The following CNTNAP2 variants were observed in gnomAD, a reference collection of about 807,000 sequenced individuals.
CNTNAP2 encodes the protein contactin-associated protein-like 2.
A neutral mutation model predicts 155.2 loss-of-function variants in CNTNAP2; 98 were observed. The ratio of observed to expected loss-of-function variants is 0.63; its 90% CI spans 0.54 to 0.75. CNTNAP2 has a LOEUF of 0.75. Among genes scored for constraint, CNTNAP2 ranks in the 30% least tolerant of loss-of-function variants. The pLI is 0.00. For synonymous variants in CNTNAP2, 651 were observed against 631.2 expected (o/e 1.03, Z -0.47); for missense variants, 1,727 against 1,688.1 (o/e 1.02, Z -0.40).
rs898462261 is a variant in CNTNAP2 at position 146,843,744 on chromosome 7, GTACTC to G, written c.402+3842_402+3846del. Among the ~76,000 whole-genome samples the G allele has an allele frequency of 1.8e-3, 273 of 151,598 alleles. 1 individual carries two copies. Among genetic ancestry groups the G allele is most frequent in the African/African-American group, 6.3e-3 (259 of 41,128 alleles). On this transcript the variant is annotated intron_variant, in intron 3 of 23. Coordinates refer to ENST00000361727, the MANE Select transcript of CNTNAP2 (RefSeq NM_014141.6). ...TAGCATTTACAAATTTCAAAAAAAA[GTACTC>G]TTGGGGATTAAGTTTATTAAAAATG...
chr7:148,301,306 A>AAAAAAT, intron 21 of CNTNAP2, among the ~76,000 whole-genome samples: 93 of 103,850 alleles, frequency 9.0e-4, no homozygotes, highest in African/African-American at 2.8e-3. Flanking sequence ...AAAAAAAAAA[A>AAAAAAT]ATATATATAT....
At chr7:147,472,620 C>G (rs1798245319) in intron 10 of CNTNAP2, among the ~76,000 whole-genome samples, 1 of 152,048 alleles carries the variant, frequency 6.6e-6, no homozygotes, top group South Asian at 2.1e-4. Context: ...AGTCAAGAAG[C>G]TGCAAAATGG....
At chr7:148,022,948 A>G (rs954446256) in intron 15 of CNTNAP2, among the ~76,000 whole-genome samples, 1 of 152,182 alleles carries the variant, frequency 6.6e-6, no homozygotes, top group African/African-American at 2.4e-5. Flanking sequence ...CACTGCCTGT[A>G]CAGCACCGTT....
At chr7:148,140,583 C>T (rs1805045003) in intron 16 of CNTNAP2, among the ~76,000 whole-genome samples, 1 of 152,108 alleles carries the variant, frequency 6.6e-6, no homozygotes, top group South Asian at 2.1e-4. Flanking sequence ...CCACCACGCC[C>T]AGCTAATTTT....
chr7:147,320,082 T>A (rs1795320751), intron 9 of CNTNAP2, among the ~76,000 whole-genome samples: 1 of 152,206 alleles, frequency 6.6e-6, no homozygotes. Context: ...ATGCAACCTC[T>A]AATTTAACAA....
At chr7:147,508,730 T>C (rs570622576) in intron 11 of CNTNAP2, among the ~76,000 whole-genome samples, 6 of 152,114 alleles carry the variant, frequency 3.9e-5, no homozygotes, top group Non-Finnish European at 8.8e-5. Flanking sequence ...AGGGAATACG[T>C]CTCATGAGAT....
intron 10 of CNTNAP2, among the ~76,000 whole-genome samples, chr7:147,416,094 G>A (rs191627842): frequency 1.1e-3 from 170 of 152,264 alleles, no homozygotes; most frequent in Non-Finnish European, 1.9e-3. Context: ...GGCATATGTT[G>A]CTTACTTTCT....
chr7:146,840,671 A>G (rs1803705462), intron 3 of CNTNAP2, among the ~76,000 whole-genome samples: 5 of 152,176 alleles, frequency 3.3e-5, no homozygotes, highest in Admixed American at 3.3e-4. Flanking sequence ...GAAAGGGTTC[A>G]CTTTTAAAAT....
At chr7:147,316,385 A>T (rs1188951075) in intron 9 of CNTNAP2, among the ~76,000 whole-genome samples, 1 of 152,184 alleles carries the variant, frequency 6.6e-6, no homozygotes, top group African/African-American at 2.4e-5. Context: ...AGCATCAGAA[A>T]AATAAGACAC....
intron 14 of CNTNAP2, among the ~76,000 whole-genome samples, chr7:147,941,926 G>T (rs1489044157): frequency 6.6e-6 from 1 of 152,186 alleles, no homozygotes; most frequent in African/African-American, 2.4e-5. Flanking sequence ...TTTAAAGTGT[G>T]TACGTTCTTT....
At chr7:146,525,252 A>C (rs772064517) in intron 1 of CNTNAP2, among the ~76,000 whole-genome samples, 2 of 152,108 alleles carry the variant, frequency 1.3e-5, no homozygotes, top group Non-Finnish European at 2.9e-5. Flanking sequence ...GAAAAGCACT[A>C]ATTGTCAGAG....
chr7:146,431,035 C>T (rs1796166221), intron 1 of CNTNAP2, among the ~76,000 whole-genome samples: 2 of 151,920 alleles, frequency 1.3e-5, no homozygotes, highest in Non-Finnish European at 2.9e-5. Flanking sequence ...GCTGTAATTA[C>T]AGTATCATCC....
intron 1 of CNTNAP2, among the ~76,000 whole-genome samples, chr7:146,441,333 A>G (rs1352173825): frequency 6.6e-6 from 1 of 151,398 alleles, no homozygotes; most frequent in Non-Finnish European, 1.5e-5. Flanking sequence ...GTTTCAGAGG[A>G]CTTTCATATT....
rs373498162 is a variant in CNTNAP2, at chr7:147,024,605, AAATTT to A, written c.403-19294_403-19290del. 1.2e-3 allele frequency among the ~76,000 whole-genome samples: 189 copies of A among 152,330 alleles called. 1 individual carries two copies. Among genetic ancestry groups the A allele is most frequent in the African/African-American group, 4.2e-3 (175 of 41,580 alleles). The stretch of plus-strand genomic sequence containing the variant: ...TGAAACTGTAATCATTGCACAATAA[AAATTT>A]AATTTAAAAGATTATATGTCAAGCA... On this transcript the variant is annotated intron_variant, in intron 3 of 23. Coordinates refer to ENST00000361727, the MANE Select transcript of CNTNAP2 (RefSeq NM_014141.6).
chr7:147,509,091 A>G (rs767823119), intron 11 of CNTNAP2, among the ~76,000 whole-genome samples: 3 of 152,160 alleles, frequency 2.0e-5, no homozygotes, highest in Non-Finnish European at 4.4e-5. Flanking sequence ...GCATGCTATA[A>G]TGCTTTGTAC....
rs573305778 is a variant in CNTNAP2 at position 146,891,679 on chromosome 7, TAAC to T, written c.402+51780_402+51782del. ...TATGAAGGATCTTCTAACATGAACA[TAAC>T]AACAGCAAAAATGGGCAAATGTCTC... On this transcript the variant is annotated intron_variant, in intron 3 of 23. Transcript: ENST00000361727. Among the ~76,000 whole-genome samples, 85 of 152,204 alleles carry T rather than the reference TAAC, an allele frequency of 5.6e-4. 1 individual carries two copies. The highest frequency in any genetic ancestry group is 1.9e-3 in the African/African-American group (79 of 41,540).
chr7:147,623,041 T>C (rs945150799), intron 12 of CNTNAP2, among the ~76,000 whole-genome samples: 1 of 152,016 alleles, frequency 6.6e-6, no homozygotes, highest in Non-Finnish European at 1.5e-5. Flanking sequence ...CTTAGACACA[T>C]ACAACCTAGC....
intron 3 of CNTNAP2, among the ~76,000 whole-genome samples, chr7:146,861,058 T>G (rs1400861663): frequency 6.6e-6 from 1 of 152,108 alleles, no homozygotes; most frequent in African/African-American, 2.4e-5. Context: ...TTTTCTTTGT[T>G]TGTTTGGTTT....
At chr7:146,975,059 A>C (rs1213203600) in intron 3 of CNTNAP2, among the ~76,000 whole-genome samples, 1 of 152,230 alleles carries the variant, frequency 6.6e-6, no homozygotes, top group Non-Finnish European at 1.5e-5. Context: ...ATTTTCGCAA[A>C]TAGTTGTTTG....
Sources: allele counts gnomAD v4.1 joint callset (sites outside exome capture counted in the v4.1 genomes callset), GRCh38; gene constraint gnomAD v4.1.1; transcripts MANE v1.5; gene names NCBI Gene and HGNC (gene_info 2026-07-23, HGNC 2026-07-21).